The following RAB6A variants were observed in gnomAD, a reference collection of about 807,000 sequenced individuals.
RAB6A encodes RAB6A, member RAS oncogene family.
RAB6A carries 8 observed loss-of-function variants against 32.3 expected under a neutral mutation model. The ratio of observed to expected loss-of-function variants is 0.25; its 90% CI spans 0.15 to 0.45. The LOEUF (loss-of-function observed/expected upper bound fraction) is 0.45. RAB6A is among the 20% of genes least tolerant of loss of function. RAB6A has a pLI of 1.00. For synonymous variants in RAB6A, 73 were observed against 82.1 expected (o/e 0.89, Z 0.60); for missense variants, 104 against 249.4 (o/e 0.42, Z 3.93).
chr11:73,742,671 C>T (rs545693215), intron 1 of RAB6A, among the ~76,000 whole-genome samples: 2 of 151,944 alleles, frequency 1.3e-5, no homozygotes, highest in Non-Finnish European at 2.9e-5. Context: ...ATTAGCTGGG[C>T]GTGGTAGCAC....
chr11:73,701,738 C>T (rs1376787200), intron 6 of RAB6A, among the ~76,000 whole-genome samples: 3 of 152,006 alleles, frequency 2.0e-5, no homozygotes, highest in South Asian at 2.1e-4. Context: ...ACTGCTGCCT[C>T]GACCCCCTGG....
rs1565341418 is a variant in RAB6A at position 73,677,969 on chromosome 11, CAA to C, written c.563-9_563-8del. The stretch of plus-strand genomic sequence containing the variant: ...TCCAGTTTTATGTCAATCACTGAAA[CAA>C]AAGTTAAGAAGCCATAAATGGGAAA... On this transcript the variant is annotated splice_polypyrimidine_tract_variant and splice_region_variant and intron_variant, in intron 7 of 7. Coordinates refer to ENST00000336083, the MANE Select transcript of RAB6A (RefSeq NM_198896.2). 6.2e-7 allele frequency: 1 copy of C among 1,613,882 alleles called. No individual in the cohort carries two copies. Among genetic ancestry groups the C allele is most frequent in the African/African-American group, 1.3e-5 (1 of 75,034 alleles).
intron 5 of RAB6A, among the ~76,000 whole-genome samples, chr11:73,708,757 T>C (rs973020356): frequency 6.6e-6 from 1 of 152,106 alleles, no homozygotes; most frequent in African/African-American, 2.4e-5. Context: ...ACACAGAAAA[T>C]GGGCAATGGA....
At chr11:73,701,999 G>C (rs1211279705) in intron 6 of RAB6A, among the ~76,000 whole-genome samples, 1 of 152,150 alleles carries the variant, frequency 6.6e-6, no homozygotes, top group Non-Finnish European at 1.5e-5. Flanking sequence ...AAGACATAAT[G>C]ATCCTAAATA....
intron 7 of RAB6A, among the ~76,000 whole-genome samples, chr11:73,678,202 A>C (rs1410276132): frequency 1.3e-5 from 2 of 152,238 alleles, no homozygotes; most frequent in Non-Finnish European, 2.9e-5. Context: ...TATCCTAAGG[A>C]ACTTATTCTA....
intron 1 of RAB6A, among the ~76,000 whole-genome samples, chr11:73,737,280 T>C (rs893625852): frequency 1.3e-5 from 2 of 151,480 alleles, no homozygotes; most frequent in East Asian, 2.0e-4. Flanking sequence ...AATACAGGAG[T>C]TCGAGATCAG....
At chr11:73,706,440 G>C (rs1428016987) in intron 6 of RAB6A, among the ~76,000 whole-genome samples, 3 of 151,978 alleles carry the variant, frequency 2.0e-5, no homozygotes, top group Admixed American at 2.0e-4. Flanking sequence ...CGTGAACCTG[G>C]GAGGTGAAGC....
chr11:73,742,922 A>G lies in RAB6A; in HGVS notation c.71-12099T>C, dbSNP rs188508957. Among the ~76,000 whole-genome samples the G allele has an allele frequency of 2.5e-4, 38 of 152,318 alleles. 1 individual carries two copies. Among genetic ancestry groups the G allele is most frequent in the African/African-American group, 8.4e-4 (35 of 41,580 alleles). Reference sequence around the variant, plus strand: ...GTTGGGGGATAAGAATGCAAAAACAAATACGAGTAAAGCCCTGACCTGAAA... The same window carrying G: ...GTTGGGGGATAAGAATGCAAAAACAGATACGAGTAAAGCCCTGACCTGAAA... On this transcript the variant is annotated intron_variant, in intron 1 of 7. Coordinates refer to ENST00000336083, the MANE Select transcript of RAB6A (RefSeq NM_198896.2).
intron 2 of RAB6A, among the ~76,000 whole-genome samples, chr11:73,727,057 G>A (rs1287572441): frequency 6.6e-6 from 1 of 152,160 alleles, no homozygotes; most frequent in Non-Finnish European, 1.5e-5. Flanking sequence ...ACTATGAAAA[G>A]AAGTGCTAAA....
intron 6 of RAB6A, among the ~76,000 whole-genome samples, chr11:73,695,695 AG>A (rs1368560664): frequency 6.6e-6 from 1 of 152,144 alleles, no homozygotes; most frequent in Non-Finnish European, 1.5e-5. Context: ...TCCACTTTCT[AG>A]AAGACATTCT....
intron 6 of RAB6A, among the ~76,000 whole-genome samples, chr11:73,692,598 A>G (rs992355121): frequency 2.0e-5 from 3 of 151,306 alleles, no homozygotes; most frequent in African/African-American, 4.9e-5. Flanking sequence ...ACTTACATGC[A>G]TAAGAGGGTT....
intron 1 of RAB6A, among the ~76,000 whole-genome samples, chr11:73,750,150 A>T (rs142829535): frequency 1.3e-5 from 2 of 152,314 alleles, no homozygotes; most frequent in Non-Finnish European, 2.9e-5. Context: ...TTTGGATTTC[A>T]TCTCAAAAGT....
chr11:73,755,872 C>G (rs201303156), intron 1 of RAB6A, among the ~76,000 whole-genome samples: 1 of 41,468 alleles, frequency 2.4e-5, no homozygotes, highest in Non-Finnish European at 8.1e-5. Context: ...GGAAGAAGAA[C>G]AAGAGGAGGA....
In RAB6A at chr11:73,677,481, TA is replaced by T; in HGVS notation, c.*416del. The stretch of plus-strand genomic sequence containing the variant: ...GGGAGGCTAGGTAAGAATAGGGTAA[TA>T]GGGAATGGGGGTAAGTGAGAGGTGA... On this transcript the variant is annotated 3_prime_UTR_variant, in exon 8 of 8. Coordinates refer to ENST00000336083, the MANE Select transcript of RAB6A (RefSeq NM_198896.2). 1 of 304,072 alleles carries T rather than the reference TA, an allele frequency of 3.3e-6. No individual in the cohort carries two copies. Among genetic ancestry groups the T allele is most frequent in the East Asian group, 6.7e-5 (1 of 14,832 alleles). 18.8% of individuals were successfully genotyped at this position (304,072 alleles called of 1,614,324 possible).
Position 73,703,580 on chromosome 11 carries a change from A to G in RAB6A, c.495+3840T>C, listed in dbSNP as rs530961135. Among the ~76,000 whole-genome samples, 3 of 152,250 alleles carry G rather than the reference A, an allele frequency of 2.0e-5. 1 individual carries two copies. In the East Asian group the frequency reaches 5.8e-4, roughly 29 times the overall value. ...AACGTGGCAAAACCCTGTCTCTACAAAAAATATAAAAATTAGCTAGACACA... is the reference window on the plus strand; with the variant it reads ...AACGTGGCAAAACCCTGTCTCTACAGAAAATATAAAAATTAGCTAGACACA... On this transcript the variant is annotated intron_variant, in intron 6 of 7. Coordinates refer to ENST00000336083, the MANE Select transcript of RAB6A (RefSeq NM_198896.2).
Position 73,677,869 on chromosome 11 carries a change from C to T in RAB6A, c.*29G>A. 6.2e-7 allele frequency: 1 copy of T among 1,613,958 alleles called. No individual in the cohort carries two copies. The highest frequency in any genetic ancestry group is 1.6e-4 in the Middle Eastern group (1 of 6,062). On this transcript the variant is annotated 3_prime_UTR_variant, in exon 8 of 8. Coordinates refer to ENST00000336083, the MANE Select transcript of RAB6A (RefSeq NM_198896.2). ...GTAAGGGGGCCAAAGCAGTGAGCTT[C>T]TGAAGAAGGTTGAAGATGACATGGG...
chr11:73,680,438 C>A (rs992658087), intron 6 of RAB6A, among the ~76,000 whole-genome samples: 3 of 152,110 alleles, frequency 2.0e-5, no homozygotes, highest in African/African-American at 7.2e-5. Flanking sequence ...GTGTGGATCA[C>A]GAGGTCAGGA....
At position 73,747,840 on chromosome 11, in the gene RAB6A, T is replaced by C. The variant is rs552548743; in HGVS notation, c.70+12726A>G. Among the ~76,000 whole-genome samples the C allele has an allele frequency of 3.3e-5, 5 of 152,316 alleles. No individual in the cohort carries two copies. The East Asian group carries it at 7.7e-4, about 23-fold the overall frequency. The stretch of plus-strand genomic sequence containing the variant: ...ACGATTAGACAGAGGCCATGAATTC[T>C]TGGCAAAACTACCACAGAACTGATG... On this transcript the variant is annotated intron_variant, in intron 1 of 7. Transcript: ENST00000336083.
intron 6 of RAB6A, among the ~76,000 whole-genome samples, chr11:73,702,303 G>A (rs1052081480): frequency 2.6e-5 from 4 of 152,108 alleles, no homozygotes; most frequent in Non-Finnish European, 4.4e-5. Context: ...TGGAACTACA[G>A]GTGCATGCCA....
Sources: gnomAD v4.1 joint callset for allele counts (sites outside exome capture counted in the v4.1 genomes callset) on GRCh38, gnomAD v4.1.1 for gene constraint, MANE v1.5 for transcripts, NCBI Gene and HGNC (gene_info 2026-07-23, HGNC 2026-07-21) for gene names.